The following PVT1 variants were observed in gnomAD, a reference collection of about 807,000 sequenced individuals.
PVT1 encodes the protein CXCR4/PVT1 fusion.
At chr8:127,852,256 A>G (rs1246911948) in intron 2 of PVT1, 1 of 152,402 alleles carries the variant, frequency 6.6e-6, no homozygotes, top group East Asian at 1.9e-4. Context: ...GCCTGGCGTC[A>G]GAAAGCTGCA....
chr8:127,944,244 C>T (rs1020824349), intron 3 of PVT1, among the ~76,000 whole-genome samples: 4 of 152,150 alleles, frequency 2.6e-5, no homozygotes, highest in Admixed American at 2.0e-4. Flanking sequence ...TGAGCCATTA[C>T]ACCTGGCCCA....
rs540677919 is a variant in PVT1, at chr8:127,952,158, A to T, written n.783-37004A>T. Among the ~76,000 whole-genome samples the T allele has an allele frequency of 4.4e-4, 67 of 152,308 alleles. 1 individual carries two copies. The South Asian group carries it at 0.013, about 30-fold the overall frequency. On this transcript the variant is annotated intron_variant and non_coding_transcript_variant, in intron 3 of 10. Coordinates refer to ENST00000651587, the Ensembl canonical transcript of PVT1. ...ATGTTGCTCTAGGAAATTTATTTTTAAAAAATGAATTTCCTTCTGCAATGC... is the reference window on the plus strand; with the variant it reads ...ATGTTGCTCTAGGAAATTTATTTTTTAAAAATGAATTTCCTTCTGCAATGC...
intron 2 of PVT1, among the ~76,000 whole-genome samples, chr8:127,856,954 G>A (rs1415500922): frequency 2.6e-5 from 4 of 152,160 alleles, no homozygotes; most frequent in African/African-American, 9.7e-5. Context: ...GGCTGGGCGA[G>A]GTGGCTCATG....
At chr8:127,845,415 T>C (rs1815020664) in intron 2 of PVT1, among the ~76,000 whole-genome samples, 2 of 152,238 alleles carry the variant, frequency 1.3e-5, no homozygotes, top group South Asian at 4.2e-4. Flanking sequence ...AATGGCTCTC[T>C]GGTGGACTGG....
intron 4 of PVT1, among the ~76,000 whole-genome samples, chr8:127,997,350 C>T (rs1371757203): frequency 6.6e-6 from 1 of 152,054 alleles, no homozygotes; most frequent in African/African-American, 2.4e-5. Flanking sequence ...CGCTTCCGGT[C>T]TTTGGATTTG....
At chr8:128,007,621 A>G (rs1028584679) in intron 4 of PVT1, among the ~76,000 whole-genome samples, 16 of 152,212 alleles carry the variant, frequency 1.1e-4, no homozygotes, top group African/African-American at 3.1e-4. Flanking sequence ...TGTGAAGGGT[A>G]TGTACTTCCT....
chr8:127,906,946 ACT>A (rs1210508016), intron 3 of PVT1, among the ~76,000 whole-genome samples: 2 of 142,082 alleles, frequency 1.4e-5, no homozygotes, highest in South Asian at 2.2e-4. Context: ...CTTCCCTGGC[ACT>A]CTCTCTTTTT....
At chr8:127,816,775 C>T (rs950824175) in intron 2 of PVT1, among the ~76,000 whole-genome samples, 3 of 152,188 alleles carry the variant, frequency 2.0e-5, no homozygotes, top group Admixed American at 1.3e-4. Context: ...CCACCCGCCT[C>T]GGCCTCCCGT....
intron 4 of PVT1, among the ~76,000 whole-genome samples, chr8:128,068,482 GA>G (rs1354017177): frequency 1.3e-5 from 2 of 152,092 alleles, no homozygotes; most frequent in Non-Finnish European, 2.9e-5. Context: ...CCAAAAATTA[GA>G]ATAGGTTTTG....
At chr8:128,041,625 GT>G (rs1813546541) in intron 4 of PVT1, among the ~76,000 whole-genome samples, 1 of 145,290 alleles carries the variant, frequency 6.9e-6, no homozygotes, top group Admixed American at 6.9e-5. Flanking sequence ...GTGTGTGTGT[GT>G]TGTGTGCATG....
chr8:128,016,978 G>A (rs1026305932), intron 4 of PVT1, among the ~76,000 whole-genome samples: 1 of 152,138 alleles, frequency 6.6e-6, no homozygotes, highest in Admixed American at 6.5e-5. Flanking sequence ...TTGAGCCCAG[G>A]AGTTCAAGGC....
At chr8:127,826,927 T>A (rs1308752880) in intron 2 of PVT1, among the ~76,000 whole-genome samples, 2 of 152,100 alleles carry the variant, frequency 1.3e-5, no homozygotes. Context: ...GTTTTGTAGC[T>A]GTCTATCTGA....
intron 2 of PVT1, among the ~76,000 whole-genome samples, chr8:127,809,029 CAAAAAAAAAAAAAAAA>C (rs1158760672): frequency 3.5e-5 from 1 of 28,286 alleles, no homozygotes; most frequent in Non-Finnish European, 6.4e-5. Context: ...GATTCCATCT[CAAAAAAAAAAAAAAAA>C]AAAAAAAAAA....
intron 3 of PVT1, among the ~76,000 whole-genome samples, chr8:127,976,374 GTTC>G (rs1439370210): frequency 6.6e-6 from 1 of 152,174 alleles, no homozygotes; most frequent in Non-Finnish European, 1.5e-5. Flanking sequence ...AATATTTGAA[GTTC>G]TTCTGCTGTC....
chr8:127,959,411 C>T (rs1396881787), intron 3 of PVT1, among the ~76,000 whole-genome samples: 1 of 151,996 alleles, frequency 6.6e-6, no homozygotes, highest in Non-Finnish European at 1.5e-5. Flanking sequence ...ATGGTGAAAA[C>T]CCATCTCTAC....
intron 2 of PVT1, among the ~76,000 whole-genome samples, chr8:127,811,156 C>T (rs1018454570): frequency 6.6e-6 from 1 of 152,182 alleles, no homozygotes; most frequent in Non-Finnish European, 1.5e-5. Context: ...ATAGAGGCTG[C>T]TGTTAGATTC....
chr8:128,086,152 T>C (rs1814252569), intron 5 of PVT1, among the ~76,000 whole-genome samples: 1 of 152,232 alleles, frequency 6.6e-6, no homozygotes, highest in South Asian at 2.1e-4. Context: ...CTAGTAATAG[T>C]AATAGTCCAA....
At chr8:127,876,073 T>G (rs6470586) in intron 2 of PVT1, among the ~76,000 whole-genome samples, 118,701 of 152,116 alleles carry the variant, frequency 0.78, 47,199 homozygotes, top group African/African-American at 0.95. Flanking sequence ...AGTTACGGGG[T>G]TGGGCCTCCG....
intron 3 of PVT1, among the ~76,000 whole-genome samples, chr8:127,935,061 G>C (rs1816255848): frequency 6.6e-6 from 1 of 152,042 alleles, no homozygotes; most frequent in South Asian, 2.1e-4. Context: ...CTGCCTCCCA[G>C]GTTCAAGCCA....
Sources: gnomAD v4.1 joint callset for allele counts (sites outside exome capture counted in the v4.1 genomes callset) on GRCh38, gnomAD v4.1.1 for gene constraint, MANE v1.5 for transcripts, NCBI Gene and HGNC (gene_info 2026-07-23, HGNC 2026-07-21) for gene names.